Variants in PNLIPRP3 observed in about 807,000 individuals in gnomAD.
PNLIPRP3 encodes the protein pancreatic lipase related protein 3, also known as pancreatic lipase-related protein 3.
PNLIPRP3 carries 58 observed loss-of-function variants against 52.8 expected under a neutral mutation model. The observed-to-expected ratio is 1.10, with a 90% CI of 0.89 to 1.37. PNLIPRP3 has a LOEUF of 1.37. Ranked by LOEUF, PNLIPRP3 falls within the 40% of genes most tolerant of loss-of-function variation. PNLIPRP3 has a pLI of 0.00. For synonymous variants in PNLIPRP3, 192 were observed against 185.0 expected (o/e 1.04, Z -0.31); for missense variants, 593 against 561.6 (o/e 1.06, Z -0.57).
At chr10:116,448,210 C>G (rs1321435508) in intron 4 of PNLIPRP3, among the ~76,000 whole-genome samples, 1 of 151,872 alleles carries the variant, frequency 6.6e-6, no homozygotes, top group African/African-American at 2.4e-5. Flanking sequence ...TTAAGAATAA[C>G]TATAACTAAA....
In PNLIPRP3 at chr10:116,461,175, A is replaced by G. The variant is rs1486680937; in HGVS notation, c.693A>G (p.Gly231=). 6.2e-7 allele frequency: 1 copy of G among 1,614,184 alleles called. No homozygotes were observed. The highest frequency in any genetic ancestry group is 2.2e-5 in the East Asian group (1 of 44,880). The change falls in exon 7 of 12, where the codon GGA becomes GGG. Residue 231 remains glycine, a synonymous_variant. Transcript: ENST00000369230. ...TGTTTTTATTTATTTCAGGTGTTGG[A>G]ACCATTGATGCTTGTGGTCATCTTG... ...AARILFELGV[G]TIDACGHLDF... is the part of the protein sequence containing the mutation.
chr10:116,436,607 G>T, intron 1 of PNLIPRP3, 104 bp from the exon 2 acceptor site: 1 of 1,165,688 alleles, frequency 8.6e-7, no homozygotes, highest in Non-Finnish European at 1.2e-6. Context: ...AATCCAATAA[G>T]GGGTTAATTT....
In PNLIPRP3 at chr10:116,455,861, G is replaced by A. The variant is rs768894798; in HGVS notation, c.565+31G>A. The A allele has an allele frequency of 1.1e-5, 17 of 1,521,204 alleles. No individual in the cohort carries two copies. In the Admixed American group the frequency reaches 1.7e-4, roughly 15 times the overall value. The allele number at this position is 1,521,204 out of a possible 1,614,324, so 94.2% of individuals were successfully genotyped here. ...CATGCCCTGCAGTTGGGCCTTGAGTGTGTTTAAATATTGTTTACACACACT... is the reference window on the plus strand; with the variant it reads ...CATGCCCTGCAGTTGGGCCTTGAGTATGTTTAAATATTGTTTACACACACT... On this transcript the variant is annotated intron_variant, in intron 5 of 11. Transcript: ENST00000369230.
chr10:116,454,250 C>T (rs1449324363), intron 4 of PNLIPRP3, among the ~76,000 whole-genome samples: 3 of 152,054 alleles, frequency 2.0e-5, no homozygotes, highest in East Asian at 1.9e-4. Flanking sequence ...TACTGAGTAG[C>T]TGGGATTACA....
intron 4 of PNLIPRP3, among the ~76,000 whole-genome samples, chr10:116,453,709 G>A (rs1283977463): frequency 6.6e-6 from 1 of 152,042 alleles, no homozygotes; most frequent in African/African-American, 2.4e-5. Flanking sequence ...CTCTCACTCT[G>A]TGATACACCA....
At chr10:116,430,814 T>C (rs1043112923) in intron 1 of PNLIPRP3, among the ~76,000 whole-genome samples, 2 of 152,152 alleles carry the variant, frequency 1.3e-5, no homozygotes, top group Non-Finnish European at 2.9e-5. Context: ...TGTAACAGAG[T>C]CCATTGCCTT....
chr10:116,450,894 C>T (rs117899053), intron 4 of PNLIPRP3, among the ~76,000 whole-genome samples: 2,272 of 136,440 alleles, frequency 0.017, 24 homozygotes, highest in Non-Finnish European at 0.028. Context: ...CAACGTAATA[C>T]CTATCAAAAT....
chr10:116,455,143 T>C (rs879646119), intron 4 of PNLIPRP3, among the ~76,000 whole-genome samples: 2 of 152,238 alleles, frequency 1.3e-5, no homozygotes, highest in Non-Finnish European at 2.9e-5. Flanking sequence ...TTCAACATTT[T>C]TTCATAAATC....
In PNLIPRP3 at chr10:116,439,834, T is replaced by C. The variant is rs951208793; in HGVS notation, c.204+2969T>C. 1.2e-5 allele frequency: 9 copies of C among 777,752 alleles called. No individual in the cohort carries two copies. The African/African-American group carries it at 1.4e-4, about 12-fold the overall frequency. The allele number at this position is 777,752 out of a possible 1,614,324, so 48.2% of individuals were successfully genotyped here. On this transcript the variant is annotated intron_variant, in intron 2 of 11. Coordinates refer to ENST00000369230, the MANE Select transcript of PNLIPRP3 (RefSeq NM_001011709.3). ...TTCATAATCCTTCATTTCCCGATCA[T>C]AGCGCACTTTAATCACCTTTGCCAT... is the stretch of plus-strand genomic sequence containing the variant.
At position 116,429,357 on chromosome 10, in the gene PNLIPRP3, A is replaced by G. The variant is rs79245518; in HGVS notation, c.49+1296A>G. ...AAAATCTGAAACACTTCTGGTCCCA[A>G]GCGTTTTGGATAAGGGATACTCAAT... is the stretch of plus-strand genomic sequence containing the variant. On this transcript the variant is annotated intron_variant, in intron 1 of 11. Coordinates refer to ENST00000369230, the MANE Select transcript of PNLIPRP3 (RefSeq NM_001011709.3). Among the ~76,000 whole-genome samples the G allele has an allele frequency of 2.0e-5, 3 of 152,254 alleles. 1 individual carries two copies. The South Asian group carries it at 6.2e-4, about 32-fold the overall frequency.
intron 10 of PNLIPRP3, among the ~76,000 whole-genome samples, chr10:116,475,507 A>G (rs751005280): frequency 8.5e-4 from 129 of 152,348 alleles, no homozygotes; most frequent in Non-Finnish European, 1.6e-3. Context: ...ATGGGCAATG[A>G]GTGAAGATAG....
chr10:116,464,298 T>C lies in PNLIPRP3; in HGVS notation c.809-1752T>C, dbSNP rs987127653. 3.9e-5 allele frequency among the ~76,000 whole-genome samples: 6 copies of C among 152,222 alleles called. No individual in the cohort carries two copies. In the South Asian group the frequency reaches 8.3e-4, roughly 21 times the overall value. On this transcript the variant is annotated intron_variant, in intron 7 of 11. Coordinates refer to ENST00000369230, the MANE Select transcript of PNLIPRP3 (RefSeq NM_001011709.3). The stretch of plus-strand genomic sequence containing the variant: ...AGTCTTAACTGGTCTACAATGGAGA[T>C]ACTATATGCACAGGGATATTGTGTC...
intron 5 of PNLIPRP3, among the ~76,000 whole-genome samples, chr10:116,459,210 T>C (rs1369590037): frequency 6.6e-6 from 1 of 151,992 alleles, no homozygotes; most frequent in Non-Finnish European, 1.5e-5. Flanking sequence ...CAAGTTTCCA[T>C]TCTAGGCCCA....
intron 1 of PNLIPRP3, among the ~76,000 whole-genome samples, chr10:116,432,886 G>A (rs570035684): frequency 9.2e-5 from 14 of 151,876 alleles, no homozygotes; most frequent in Admixed American, 2.6e-4. Context: ...AGGTCGAGGC[G>A]GGCGGATCAC....
chr10:116,462,961 T>G (rs1308245341), intron 7 of PNLIPRP3, among the ~76,000 whole-genome samples: 1 of 152,204 alleles, frequency 6.6e-6, no homozygotes. Context: ...CTATTTTACT[T>G]AAATTTATTA....
chr10:116,455,853 C>T (rs1846105576), intron 5 of PNLIPRP3, 23 bp downstream of exon 5: 1 of 1,556,544 alleles, frequency 6.4e-7, no homozygotes, highest in South Asian at 1.1e-5. Context: ...TGCAGTTGGG[C>T]CTTGAGTGTG....
intron 4 of PNLIPRP3, among the ~76,000 whole-genome samples, chr10:116,449,750 G>A (rs1846008494): frequency 6.6e-6 from 1 of 152,036 alleles, no homozygotes; most frequent in South Asian, 2.1e-4. Flanking sequence ...AGACCAAATG[G>A]ACCTAACACA....
intron 4 of PNLIPRP3, among the ~76,000 whole-genome samples, chr10:116,448,690 GTGTTT>G (rs55781366): frequency 0.79 from 115,935 of 147,570 alleles, 47,230 homozygotes; most frequent in South Asian, 0.91. Flanking sequence ...CTATAAAAAG[GTGTTT>G]TGTTTTGTTT....
intron 4 of PNLIPRP3, among the ~76,000 whole-genome samples, chr10:116,453,827 T>C (rs952649137): frequency 6.6e-6 from 1 of 152,124 alleles, no homozygotes. Context: ...GTGCAGGTTT[T>C]TTACATAGGT....
Sources: gnomAD v4.1 joint callset for allele counts (sites outside exome capture counted in the v4.1 genomes callset) on GRCh38, gnomAD v4.1.1 for gene constraint, MANE v1.5 for transcripts, NCBI Gene and HGNC (gene_info 2026-07-23, HGNC 2026-07-21) for gene names.